Variants in CNNM1 observed in about 807,000 individuals in gnomAD.
CNNM1 encodes cyclin and CBS domain divalent metal cation transport mediator 1, also known as metal transporter CNNM1.
A neutral mutation model predicts 78.8 loss-of-function variants in CNNM1; 44 were observed. The observed-to-expected ratio is 0.56, with a 90% CI of 0.44 to 0.72. The LOEUF is 0.72. CNNM1 is among the 30% of genes least tolerant of loss of function. The probability of loss-of-function intolerance (pLI) is 0.00; values close to 1 mark genes in which losing one functional copy is unlikely to be tolerated. For synonymous variants in CNNM1, 584 were observed against 581.5 expected (o/e 1.00, Z -0.06); for missense variants, 1,101 against 1,292.2 (o/e 0.85, Z 2.27).
intron 7 of CNNM1, 74 bp from the exon 8 acceptor site, chr10:99,387,746 G>C (rs893448251): frequency 7.0e-7 from 1 of 1,434,936 alleles, no homozygotes; most frequent in Admixed American, 2.6e-5. Context: ...GGCTGCCCCC[G>C]AGCCTGGGAA....
intron 1 of CNNM1, among the ~76,000 whole-genome samples, chr10:99,341,345 G>A (rs781466072): frequency 1.1e-4 from 17 of 152,024 alleles, no homozygotes; most frequent in Admixed American, 8.5e-4. Context: ...TCTCAACATC[G>A]TCTGGGCAGG....
At chr10:99,354,315 G>T (rs2031055183) in intron 1 of CNNM1, among the ~76,000 whole-genome samples, 1 of 152,068 alleles carries the variant, frequency 6.6e-6, no homozygotes, top group Admixed American at 6.6e-5. Context: ...TTCCAAGAAG[G>T]ATAATTTTAG....
intron 1 of CNNM1, among the ~76,000 whole-genome samples, chr10:99,340,876 T>TGCCTGCCTGCCTG (rs2030425383): frequency 1.2e-4 from 17 of 138,256 alleles, no homozygotes; most frequent in African/African-American, 4.2e-4. Context: ...CTTCCTTCCT[T>TGCCTGCCTGCCTG]CCTGCCTGCC....
chr10:99,363,740 CTTTTTTT>C (rs869281521), intron 4 of CNNM1, among the ~76,000 whole-genome samples: 10 of 121,926 alleles, frequency 8.2e-5, no homozygotes, highest in African/African-American at 2.9e-4. Flanking sequence ...TAGATTTTAT[CTTTTTTT>C]TTTTTTTTTT....
chr10:99,360,800 G>T (rs764059615), intron 2 of CNNM1, 35 bp from the exon 3 acceptor site: 15 of 1,551,772 alleles, frequency 9.7e-6, no homozygotes, highest in Non-Finnish European at 1.3e-5. Flanking sequence ...ACGTGATTCT[G>T]AGATAGCTGT....
At position 99,330,030 on chromosome 10, in the gene CNNM1, G is replaced by C; in HGVS notation, c.643G>C (p.Gly215Arg). The C allele has an allele frequency of 6.7e-7, 1 of 1,486,230 alleles. No individual in the cohort carries two copies. Among genetic ancestry groups the C allele is most frequent in the African/African-American group, 1.5e-5 (1 of 68,284 alleles). 92.1% of individuals were successfully genotyped at this position (1,486,230 alleles called of 1,614,324 possible). The part of the protein sequence containing the change: ...LRVRPRLYGP[G>R]GDLLPPAWLR... ...CGTTCGCCCGCGGTTGTACGGCCCAGGCGGGGACCTGCTGCCCCCTGCGTG... is the reference window on the plus strand; with the variant it reads ...CGTTCGCCCGCGGTTGTACGGCCCACGCGGGGACCTGCTGCCCCCTGCGTG... The change falls in exon 1 of 11, where the codon GGC becomes CGC. Residue 215 changes from glycine to arginine, a missense_variant. Around this residue, in one of 3 missense-constraint regions of CNNM1, gnomAD observed 476 missense variants for 484.5 expected, o/e 0.98. Coordinates refer to ENST00000356713, the MANE Select transcript of CNNM1 (RefSeq NM_020348.3).
At chr10:99,377,532 A>G (rs1283807779) in intron 7 of CNNM1, among the ~76,000 whole-genome samples, 4 of 152,074 alleles carry the variant, frequency 2.6e-5, no homozygotes, top group Admixed American at 6.5e-5. Context: ...ATCCCCTACC[A>G]TTGGCATCAG....
At chr10:99,361,323 A>G (rs1373730840) in intron 3 of CNNM1, among the ~76,000 whole-genome samples, 4 of 152,218 alleles carry the variant, frequency 2.6e-5, no homozygotes, top group Non-Finnish European at 5.9e-5. Context: ...GAGCAGTGCC[A>G]CAGAAGCCTG....
At chr10:99,381,532 A>G in intron 7 of CNNM1, among the ~76,000 whole-genome samples, 1 of 152,172 alleles carries the variant, frequency 6.6e-6, no homozygotes, top group Admixed American at 6.5e-5. Flanking sequence ...ACTTGAGGTC[A>G]GGAGTTCAAG....
chr10:99,388,421 C>T lies in CNNM1; in HGVS notation c.2674+120C>T, dbSNP rs188072567. 8.2e-4 allele frequency: 927 copies of T among 1,133,686 alleles called. 5 individuals are homozygous for T. The African/African-American group carries it at 0.012, about 14-fold the overall frequency. The allele number at this position is 1,133,686 out of a possible 1,614,324, so 70.2% of individuals were successfully genotyped here. A position where few individuals can be genotyped will look rare whatever the true frequency, so the allele number is the denominator to read the frequency against. On this transcript the variant is annotated intron_variant, in intron 9 of 10. Coordinates refer to ENST00000356713, the MANE Select transcript of CNNM1 (RefSeq NM_020348.3). The stretch of plus-strand genomic sequence containing the variant: ...GACCGCAGCCCGTGCGTTAAACCTC[C>T]GACCTCCTTACACAGCCAGGGAAAG...
chr10:99,352,922 G>A (rs1181867720), intron 1 of CNNM1, among the ~76,000 whole-genome samples: 1 of 149,908 alleles, frequency 6.7e-6, no homozygotes, highest in Non-Finnish European at 1.5e-5. Flanking sequence ...AATCTCTAAG[G>A]TTTTCTCCTA....
At chr10:99,372,800 G>A (rs151143524) in intron 6 of CNNM1, among the ~76,000 whole-genome samples, 13 of 152,200 alleles carry the variant, frequency 8.5e-5, no homozygotes, top group Admixed American at 1.3e-4. Context: ...TTGATCTTGC[G>A]CAATACTCAG....
chr10:99,364,373 T>C (rs1400782483), intron 4 of CNNM1, 44 bp from the exon 5 acceptor site: 19 of 1,430,016 alleles, frequency 1.3e-5, no homozygotes, highest in Non-Finnish European at 1.6e-5. Flanking sequence ...GAACTGGAAG[T>C]GCTCATACAC....
At chr10:99,360,354 T>G (rs1401449640) in intron 2 of CNNM1, among the ~76,000 whole-genome samples, 2 of 152,204 alleles carry the variant, frequency 1.3e-5, no homozygotes, top group African/African-American at 4.8e-5. Flanking sequence ...AGAAATTCCC[T>G]GGGCCCCTGC....
intron 3 of CNNM1, 126 bp from the exon 4 acceptor site, chr10:99,362,101 C>T (rs966740922): frequency 8.2e-6 from 7 of 850,414 alleles, no homozygotes; most frequent in Admixed American, 3.2e-5. Flanking sequence ...GCCCTGCCAA[C>T]CTGATGCCCA....
chr10:99,336,424 C>T (rs2030191472), intron 1 of CNNM1, among the ~76,000 whole-genome samples: 1 of 152,200 alleles, frequency 6.6e-6, no homozygotes, highest in Non-Finnish European at 1.5e-5. Context: ...CTATGATGTT[C>T]ACACAATCAT....
chr10:99,350,030 A>G (rs1271099323), intron 1 of CNNM1, among the ~76,000 whole-genome samples: 1 of 152,068 alleles, frequency 6.6e-6, no homozygotes, highest in Non-Finnish European at 1.5e-5. Context: ...AAAAACAGCT[A>G]TCTGGACCCT....
intron 3 of CNNM1, 30 bp downstream of exon 3, chr10:99,361,005 A>C: frequency 6.4e-7 from 1 of 1,573,386 alleles, no homozygotes; most frequent in South Asian, 1.2e-5. Context: ...CAGAGAAGCT[A>C]AAACAGAATC....
chr10:99,363,032 T>C (rs754701610), intron 4 of CNNM1, among the ~76,000 whole-genome samples: 3 of 152,200 alleles, frequency 2.0e-5, no homozygotes, highest in Non-Finnish European at 2.9e-5. Flanking sequence ...AATAGGCCTG[T>C]CTTAAATAAG....
Sources: allele counts gnomAD v4.1 joint callset (sites outside exome capture counted in the v4.1 genomes callset), GRCh38; gene constraint gnomAD v4.1.1; regional missense constraint gnomAD v4.1.1; transcripts MANE v1.5; gene names NCBI Gene and HGNC (gene_info 2026-07-23, HGNC 2026-07-21).